Variants in RLIM observed in about 807,000 individuals in gnomAD.
RLIM encodes ring finger protein, LIM domain interacting.
RLIM carries 2 observed loss-of-function variants against 34.0 expected under a neutral mutation model. That is an observed-to-expected ratio of 0.06 (90% CI 0.02 to 0.19). RLIM has a LOEUF of 0.19. RLIM is among the 10% of genes least tolerant of loss of function. The pLI, the probability that RLIM is intolerant of heterozygous loss-of-function variation, is 1.00. For missense variants in RLIM, 286 were observed against 479.7 expected, an observed-to-expected ratio of 0.60 and a Z score of 3.77; for synonymous variants, 169 against 164.0, an observed-to-expected ratio of 1.03 and a Z score of -0.23.
rs1225603934 is a variant in RLIM, at chrX:74,592,662, T to A, written c.653A>T (p.His218Leu). ...TTCAGCTCTTGCTCTGGTTCTCCGA[T>A]GGTCTGGGCTCCTGCTTCTTGCCCT... is the stretch of plus-strand genomic sequence containing the variant. ...QRRARSRSPD[H>L]RRTRARAERS... The change falls in exon 4 of 4, where the codon CAT (histidine) becomes CTT (leucine). Residue 218 changes from histidine (H) to leucine (L), a missense_variant. Around this residue, in one of 6 missense-constraint regions of RLIM, gnomAD observed 121 missense variants for 182.4 expected, o/e 0.66. Transcript: ENST00000332687. The A allele has an allele frequency of 1.7e-6, 2 of 1,211,585 alleles. No homozygotes were observed. Among genetic ancestry groups the A allele is most frequent in the South Asian group, 3.5e-5 (2 of 56,993 alleles).
intron 1 of RLIM, among the ~76,000 whole-genome samples, chrX:74,613,913 G>A (rs1264139536): frequency 9.1e-6 from 1 of 110,293 alleles, no homozygotes; most frequent in Non-Finnish European, 1.9e-5. Flanking sequence ...ATACCCTGCA[G>A]AAGGGCTCAA....
In RLIM at chrX:74,592,511, A is replaced by T; in HGVS notation, c.804T>A (p.His268Gln). The change falls in exon 4 of 4, where the codon CAT becomes CAA. Residue 268 changes from histidine to glutamine, a missense_variant. Around this residue, in one of 6 missense-constraint regions of RLIM, gnomAD observed 121 missense variants for 182.4 expected, o/e 0.66. Transcript: ENST00000332687. ...ETEGSSRTRH[H>Q]VTLRQQISGP... ...CAGATATTTGCTGCCTCAATGTCAC[A>T]TGGTGCCGGGTTCTAGAACTTCCCT... The T allele has an allele frequency of 8.3e-7, 1 of 1,211,925 alleles. No individual in the cohort carries two copies.
At chrX:74,593,422 A>G (rs958963361) in intron 3 of RLIM, among the ~76,000 whole-genome samples, 1 of 112,520 alleles carries the variant, frequency 8.9e-6, no homozygotes, top group African/African-American at 3.2e-5. Flanking sequence ...AGGTAAGGAA[A>G]CAGTGTTTAA....
rs1368927358 is a variant in RLIM at position 74,589,172 on chromosome X, T to C, written c.*2268A>G. 1 of 111,836 alleles carries C rather than the reference T, an allele frequency of 8.9e-6. No individual in the cohort carries two copies. Among genetic ancestry groups the C allele is most frequent in the Non-Finnish European group, 1.9e-5 (1 of 53,224 alleles). 9.2% of individuals were successfully genotyped at this position (111,836 alleles called of 1,213,427 possible). The stretch of plus-strand genomic sequence containing the variant: ...CGTCTTGGGAGATTAGGAAGGTACC[T>C]GTTGTCAATAACTTTCTCTTATGCT... On this transcript the variant is annotated 3_prime_UTR_variant, in exon 4 of 4. Transcript: ENST00000332687.
chrX:74,599,601 T>A (rs2079653014), intron 1 of RLIM, among the ~76,000 whole-genome samples: 1 of 110,544 alleles, frequency 9.0e-6, no homozygotes, highest in South Asian at 3.8e-4. Context: ...CCCCAGAGAG[T>A]TCCTTTGTCC....
In RLIM at chrX:74,595,904, C is replaced by T. The variant is rs2079637855; in HGVS notation, c.74G>A (p.Arg25Gln). The change falls in exon 2 of 4, where the codon CGA becomes CAA. Residue 25 changes from arginine to glutamine, a missense_variant. Physicochemically the swap from Arg to Gln is conservative, Grantham distance 43. Transcript: ENST00000332687. ...SAAQRRSQMDRLDREEAFYQF... is the reference protein window; with the variant it reads ...SAAQRRSQMDQLDREEAFYQF... ...ATAGAAAGCTTCTTCTCGATCCAAT[C>T]GGTCCATCTGACTTCTGCGCTGTGC... The T allele has an allele frequency of 8.3e-7, 1 of 1,206,726 alleles. No homozygotes were observed. The highest frequency in any genetic ancestry group is 1.7e-5 in the African/African-American group (1 of 57,764).
rs1314128282 is a variant in RLIM at position 74,584,250 on chromosome X, A to C, written c.*7190T>G. ...GACTGCATCAAAGATGATTGCAAAT[A>C]ATCTGCTACTTACTATGTGACCTGG... is the stretch of plus-strand genomic sequence containing the variant. On this transcript the variant is annotated 3_prime_UTR_variant, in exon 4 of 4. Transcript: ENST00000332687. Among the ~76,000 whole-genome samples the C allele has an allele frequency of 9.0e-6, 1 of 111,542 alleles. No individual in the cohort carries two copies. Among genetic ancestry groups the C allele is most frequent in the African/African-American group, 3.3e-5 (1 of 30,632 alleles).
chrX:74,612,760 T>C (rs1026959417), intron 1 of RLIM: 1 of 110,661 alleles, frequency 9.0e-6, no homozygotes, highest in African/African-American at 3.3e-5. Context: ...TAATTCAATA[T>C]TAGTATTAGG....
chrX:74,611,597 A>G (rs1428138944), intron 1 of RLIM, among the ~76,000 whole-genome samples: 3 of 112,412 alleles, frequency 2.7e-5, no homozygotes, highest in African/African-American at 6.5e-5. Flanking sequence ...CAGGAACGTA[A>G]CAGACGAAAA....
intron 1 of RLIM, among the ~76,000 whole-genome samples, chrX:74,607,562 T>C (rs190583942): frequency 5.3e-5 from 6 of 112,596 alleles, no homozygotes; most frequent in African/African-American, 1.9e-4. Flanking sequence ...TACAAAAATT[T>C]GCCAGGCATG....
rs2079638600 is a variant in RLIM, at chrX:74,596,069, G to C, written c.-23-69C>G. On this transcript the variant is annotated intron_variant, in intron 1 of 3. Coordinates refer to ENST00000332687, the MANE Select transcript of RLIM (RefSeq NM_016120.4). ...TGTATTCTATACAAGTTTTAATTATGTGAAAATCCAGAATGTAGGTCTAGA... is the reference window on the plus strand; with the variant it reads ...TGTATTCTATACAAGTTTTAATTATCTGAAAATCCAGAATGTAGGTCTAGA... 6.0e-6 allele frequency: 4 copies of C among 662,296 alleles called. No individual in the cohort carries two copies. The Admixed American group carries it at 1.7e-4, about 29-fold the overall frequency. The allele number at this position is 662,296 out of a possible 1,213,427, so 54.6% of individuals were successfully genotyped here.
chrX:74,588,865 A>G lies in RLIM; in HGVS notation c.*2575T>C, dbSNP rs902266156. 21 of 112,326 alleles carry G rather than the reference A, an allele frequency of 1.9e-4. No individual in the cohort carries two copies. The highest frequency in any genetic ancestry group is 6.5e-4 in the African/African-American group (20 of 30,923). 9.3% of individuals were successfully genotyped at this position (112,326 alleles called of 1,213,427 possible). On this transcript the variant is annotated 3_prime_UTR_variant, in exon 4 of 4. Coordinates refer to ENST00000332687, the MANE Select transcript of RLIM (RefSeq NM_016120.4). ...ACGAATGACCTTGTCTTCAATGTCCACAACACTAGTAAGCATGTAATAATC... is the reference window on the plus strand; with the variant it reads ...ACGAATGACCTTGTCTTCAATGTCCGCAACACTAGTAAGCATGTAATAATC...
At chrX:74,602,096 C>T (rs1481420073) in intron 1 of RLIM, among the ~76,000 whole-genome samples, 1 of 111,756 alleles carries the variant, frequency 8.9e-6, no homozygotes, top group East Asian at 2.8e-4. Context: ...ATAAACAACT[C>T]GAAGCTGTGA....
Position 74,587,939 on chromosome X carries a change from A to G in RLIM, c.*3501T>C, listed in dbSNP as rs1189016419. ...TTAAAAACTGTGTGTGTACACACAC[A>G]TATTTTATTTCCTGGTGCTAAAGGT... On this transcript the variant is annotated 3_prime_UTR_variant, in exon 4 of 4. Transcript: ENST00000332687. 1 of 112,162 alleles carries G rather than the reference A, an allele frequency of 8.9e-6. No homozygotes were observed. Among genetic ancestry groups the G allele is most frequent in the Non-Finnish European group, 1.9e-5 (1 of 53,216 alleles). 9.2% of individuals were successfully genotyped at this position (112,162 alleles called of 1,213,427 possible). A position where few individuals can be genotyped will look rare whatever the true frequency, so the allele number is the denominator to read the frequency against.
intron 1 of RLIM, among the ~76,000 whole-genome samples, chrX:74,600,817 G>A (rs1416173925): frequency 1.0e-5 from 1 of 99,527 alleles, no homozygotes; most frequent in African/African-American, 3.8e-5. Context: ...TTTGAGACCA[G>A]CCTGGTCAAC....
Position 74,583,612 on chromosome X carries a change from C to G in RLIM, c.*7828G>C. On this transcript the variant is annotated 3_prime_UTR_variant, in exon 4 of 4. Coordinates refer to ENST00000332687, the MANE Select transcript of RLIM (RefSeq NM_016120.4). ...ATAAAACACCTTGATACCGTTTGCC[C>G]TAGGGCTGATTACAAGGTACACTTA... 2.2e-6 allele frequency: 1 copy of G among 446,122 alleles called. No homozygotes were observed. 36.8% of individuals were successfully genotyped at this position (446,122 alleles called of 1,213,427 possible).
chrX:74,594,567 C>T (rs1031884084), intron 2 of RLIM, among the ~76,000 whole-genome samples, 178 bp from the exon 3 acceptor site: 1 of 111,577 alleles, frequency 9.0e-6, no homozygotes, highest in Non-Finnish European at 1.9e-5. Context: ...GGGAAAAATT[C>T]ACTTCTTTGG....
chrX:74,594,169 AG>A (rs1184702504), intron 3 of RLIM, 136 bp downstream of exon 3: 4 of 372,565 alleles, frequency 1.1e-5, no homozygotes, highest in African/African-American at 1.1e-4. Context: ...AGAAAATGTC[AG>A]TTTTCTTTTT....
At chrX:74,601,044 T>C (rs1364235028) in intron 1 of RLIM, among the ~76,000 whole-genome samples, 1 of 108,895 alleles carries the variant, frequency 9.2e-6, no homozygotes, top group East Asian at 2.9e-4. Context: ...AAAAAAGTTA[T>C]CAGGGAGGTA....
Sources: allele counts gnomAD v4.1 joint callset (sites outside exome capture counted in the v4.1 genomes callset), GRCh38; gene constraint gnomAD v4.1.1; regional missense constraint gnomAD v4.1.1; transcripts MANE v1.5; gene names NCBI Gene and HGNC (gene_info 2026-07-23, HGNC 2026-07-21).